The following CSMD2 variants were observed in gnomAD, a reference collection of about 807,000 sequenced individuals.
CSMD2 encodes the protein CUB and Sushi multiple domains 2, also known as CUB and sushi domain-containing protein 2.
In CSMD2, 130 loss-of-function variants were observed where a neutral mutation model predicts 398.5. The ratio of observed to expected loss-of-function variants is 0.33; its 90% CI spans 0.28 to 0.38. CSMD2 has a LOEUF of 0.38. CSMD2 is among the 10% of genes least tolerant of loss of function. CSMD2 has a pLI of 1.00. For missense variants in CSMD2, 3,829 were observed against 4,764.9 expected (o/e 0.80, Z 5.78); for synonymous variants, 1,828 against 1,908.5 (o/e 0.96, Z 1.10).
intron 6 of CSMD2, among the ~76,000 whole-genome samples, chr1:33,838,073 G>T (rs532256700): frequency 2.6e-4 from 39 of 152,176 alleles, no homozygotes; most frequent in Admixed American, 2.0e-4. Flanking sequence ...AAGGCTCTGG[G>T]AGTCAAGAAG....
chr1:33,622,044 T>C (rs1641806485), intron 37 of CSMD2, 123 bp downstream of exon 37: 1 of 744,028 alleles, frequency 1.3e-6, no homozygotes, highest in African/African-American at 1.7e-5. Flanking sequence ...TCACCTAGGT[T>C]TGTGGGAAGG....
rs745701803 is a variant in CSMD2, at chr1:33,546,161, C to T, written c.8976G>A (p.Gly2992=). ...TCACAGTGCCTGGATCAAAGCTGTC[C>T]CCCAAACGGATGCCATGAGCCGGGA... ...PGIPAHGIRL[G]DSFDPGTVMR... is the part of the protein sequence containing the mutation. The change falls in exon 57 of 71, where the codon GGG becomes GGA. Residue 2992 remains glycine (G), a synonymous_variant. Transcript: ENST00000373381. 1.2e-6 allele frequency: 2 copies of T among 1,614,196 alleles called. No individual in the cohort carries two copies. Among genetic ancestry groups the T allele is most frequent in the Non-Finnish European group, 1.7e-6 (2 of 1,180,030 alleles).
intron 2 of CSMD2, among the ~76,000 whole-genome samples, chr1:34,055,526 A>C (rs1384741980): frequency 6.6e-6 from 1 of 152,148 alleles, no homozygotes; most frequent in African/African-American, 2.4e-5. Flanking sequence ...CCCAGATTTG[A>C]TTAATTTGCT....
At chr1:34,079,763 C>T (rs1656845323) in intron 2 of CSMD2, among the ~76,000 whole-genome samples, 1 of 152,014 alleles carries the variant, frequency 6.6e-6, no homozygotes, top group Admixed American at 6.6e-5. Context: ...TCTAAAGAAG[C>T]AACTTTAAGC....
chr1:33,809,807 G>T (rs1656647932), intron 10 of CSMD2, among the ~76,000 whole-genome samples: 1 of 152,014 alleles, frequency 6.6e-6, no homozygotes, highest in Admixed American at 6.5e-5. Context: ...ATTTTTACAA[G>T]ATAGTTGCTA....
chr1:33,711,957 C>T (rs561222919), intron 21 of CSMD2, among the ~76,000 whole-genome samples: 5 of 152,234 alleles, frequency 3.3e-5, no homozygotes, highest in East Asian at 1.9e-4. Flanking sequence ...CACTTGCTTC[C>T]GGGAGAGTCT....
chr1:33,792,577 T>C, intron 10 of CSMD2, 51 bp from the exon 11 acceptor site: 3 of 1,262,216 alleles, frequency 2.4e-6, no homozygotes, highest in Non-Finnish European at 3.5e-6. Flanking sequence ...GAGGAAGCCT[T>C]CCAAAGCCTT....
Position 33,605,340 on chromosome 1 carries a change from G to A in CSMD2, c.6474C>T (p.Val2158=), listed in dbSNP as rs764675058. The change falls in exon 42 of 71, where the codon GTC becomes GTT. Residue 2158 remains valine, a synonymous_variant. Coordinates refer to ENST00000373381, the MANE Select transcript of CSMD2 (RefSeq NM_001281956.2). ...LPGYQLTGHP[V]LTCQHGTNRN... ...GGTTGGTGCCATGTTGACACGTGAGGACAGGGTGGCCAGTCAATTGATACC... is the reference window on the plus strand; with the variant it reads ...GGTTGGTGCCATGTTGACACGTGAGAACAGGGTGGCCAGTCAATTGATACC... 1.2e-6 allele frequency: 2 copies of A among 1,614,196 alleles called. No individual in the cohort carries two copies. The highest frequency in any genetic ancestry group is 1.7e-5 in the Admixed American group (1 of 60,024).
At chr1:33,877,960 C>T (rs2125164666) in intron 5 of CSMD2, among the ~76,000 whole-genome samples, 1 of 152,090 alleles carries the variant, frequency 6.6e-6, no homozygotes, top group African/African-American at 2.4e-5. Context: ...ATGAGTGGAG[C>T]CAATCAGATT....
intron 57 of CSMD2, 73 bp downstream of exon 57, chr1:33,545,964 G>A (rs1323491626): frequency 6.9e-7 from 1 of 1,449,450 alleles, no homozygotes; most frequent in Non-Finnish European, 9.4e-7. Context: ...CAGGTGCCTG[G>A]GAATAAGAGC....
chr1:33,752,387 C>T (rs539898118), intron 13 of CSMD2, among the ~76,000 whole-genome samples: 1 of 152,260 alleles, frequency 6.6e-6, no homozygotes, highest in African/African-American at 2.4e-5. Context: ...CCCTACCTTG[C>T]TCCTACTTTT....
At chr1:34,063,018 A>G (rs541250134) in intron 2 of CSMD2, among the ~76,000 whole-genome samples, 3 of 152,182 alleles carry the variant, frequency 2.0e-5, no homozygotes, top group Non-Finnish European at 4.4e-5. Context: ...AAGATGCAAA[A>G]GCGGAAACCC....
chr1:33,527,874 G>A (rs1428803303), intron 64 of CSMD2, among the ~76,000 whole-genome samples: 1 of 150,538 alleles, frequency 6.6e-6, no homozygotes. Flanking sequence ...CTGGGAGGCG[G>A]AGCTTGCAGT....
intron 3 of CSMD2, among the ~76,000 whole-genome samples, chr1:33,982,288 C>T (rs984485147): frequency 2.6e-5 from 4 of 152,138 alleles, no homozygotes; most frequent in Non-Finnish European, 5.9e-5. Flanking sequence ...AGCAAGATCA[C>T]AGGAGACATT....
chr1:33,544,854 T>TATATATAC (rs1553134872), intron 57 of CSMD2, among the ~76,000 whole-genome samples: 3 of 93,328 alleles, frequency 3.2e-5, no homozygotes, highest in African/African-American at 9.8e-5. Flanking sequence ...TATATATATA[T>TATATATAC]ACACATATAA....
chr1:33,846,000 T>C (rs1351481567), intron 6 of CSMD2, among the ~76,000 whole-genome samples: 2 of 152,200 alleles, frequency 1.3e-5, no homozygotes, highest in Non-Finnish European at 2.9e-5. Context: ...CAATAACAAT[T>C]TGAGAGTGGT....
chr1:34,032,544 A>G lies in CSMD2; in HGVS notation c.517+50T>C, dbSNP rs960405396. 8.2e-6 allele frequency: 10 copies of G among 1,212,596 alleles called. No homozygotes were observed. In the African/African-American group the frequency reaches 1.5e-4, roughly 19 times the overall value. 75.1% of individuals were successfully genotyped at this position (1,212,596 alleles called of 1,614,324 possible). On this transcript the variant is annotated intron_variant, in intron 3 of 70. Coordinates refer to ENST00000373381, the MANE Select transcript of CSMD2 (RefSeq NM_001281956.2). ...GAGCAATGCAGTCCTGCTTGTGGCT[A>G]TTAGGACATCACATCTCCGGCTCCT...
At chr1:33,705,660 A>T (rs1166780966) in intron 22 of CSMD2, among the ~76,000 whole-genome samples, 6 of 149,968 alleles carry the variant, frequency 4.0e-5, no homozygotes, top group Non-Finnish European at 7.4e-5. Context: ...GATTTTTTTT[A>T]ATATTAGTAC....
chr1:33,610,154 T>G (rs961201739), intron 41 of CSMD2, among the ~76,000 whole-genome samples: 1 of 152,126 alleles, frequency 6.6e-6, no homozygotes, highest in African/African-American at 2.4e-5. Flanking sequence ...TGTAAGGCAC[T>G]TGGCTTATGG....
Sources: gnomAD v4.1 joint callset for allele counts (sites outside exome capture counted in the v4.1 genomes callset) on GRCh38, gnomAD v4.1.1 for gene constraint, MANE v1.5 for transcripts, NCBI Gene and HGNC (gene_info 2026-07-23, HGNC 2026-07-21) for gene names.